Variants in PRKCQ observed in about 807,000 individuals in gnomAD.
The protein encoded by PRKCQ is protein kinase C theta type.
Under a neutral mutation model 91.2 loss-of-function variants are expected in PRKCQ, and 41 were observed. That is an observed-to-expected ratio of 0.45 (90% CI 0.35 to 0.58). The LOEUF is 0.58. Ranked by LOEUF, PRKCQ falls within the 20% of genes least tolerant of loss-of-function variation. The pLI, the probability that PRKCQ is intolerant of heterozygous loss-of-function variation, is 0.00. For synonymous variants in PRKCQ, 307 were observed against 316.9 expected (o/e 0.97, Z 0.33); for missense variants, 673 against 896.5 (o/e 0.75, Z 3.18).
At chr10:6,501,281 T>C (rs1340209139) in intron 4 of PRKCQ, among the ~76,000 whole-genome samples, 2 of 150,210 alleles carry the variant, frequency 1.3e-5, no homozygotes, top group Non-Finnish European at 3.0e-5. Flanking sequence ...GGTAAAAAGG[T>C]GAAAAAAAAG....
intron 15 of PRKCQ, among the ~76,000 whole-genome samples, chr10:6,443,814 T>C (rs916975727): frequency 1.3e-5 from 2 of 152,132 alleles, no homozygotes; most frequent in Non-Finnish European, 2.9e-5. Flanking sequence ...GAAAGACAAA[T>C]ACTGAATGAT....
chr10:6,571,420 TG>T (rs1239961825), intron 1 of PRKCQ, among the ~76,000 whole-genome samples: 1 of 152,240 alleles, frequency 6.6e-6, no homozygotes, highest in African/African-American at 2.4e-5. Context: ...TAACCTGTCT[TG>T]CTCTTTATGA....
At chr10:6,457,683 G>A (rs1835084901) in intron 14 of PRKCQ, among the ~76,000 whole-genome samples, 1 of 152,146 alleles carries the variant, frequency 6.6e-6, no homozygotes, top group South Asian at 2.1e-4. Context: ...ATCCTCCAGA[G>A]AGACAATCTG....
intron 1 of PRKCQ, among the ~76,000 whole-genome samples, chr10:6,547,539 G>C (rs1267106850): frequency 1.3e-5 from 2 of 151,718 alleles, no homozygotes; most frequent in South Asian, 2.1e-4. Context: ...CAGAGATATA[G>C]ATCAATGGAA....
the PRKCQ span, among the ~76,000 whole-genome samples, chr10:6,415,438 ATATATATATATATAT>A: frequency 3.3e-5 from 3 of 91,768 alleles, no homozygotes; most frequent in African/African-American, 1.1e-4. Context: ...ATATATATAT[ATATATATATATATAT>A]ATACACTTAC....
At chr10:6,397,429 T>G in the PRKCQ span, among the ~76,000 whole-genome samples, 1 of 152,154 alleles carries the variant, frequency 6.6e-6, no homozygotes, top group Non-Finnish European at 1.5e-5. Context: ...TTTGTCATCA[T>G]ATTGTAGAGT....
intron 3 of PRKCQ, among the ~76,000 whole-genome samples, chr10:6,509,912 A>G (rs1838386416): frequency 6.6e-6 from 1 of 152,254 alleles, no homozygotes; most frequent in South Asian, 2.1e-4. Flanking sequence ...CAAAAATACA[A>G]AACTGACACA....
Position 6,524,870 on chromosome 10 carries a change from G to A in PRKCQ, c.-9-9726C>T, listed in dbSNP as rs897045252. Among the ~76,000 whole-genome samples the A allele has an allele frequency of 1.7e-4, 26 of 152,310 alleles. No individual in the cohort carries two copies. In the South Asian group the frequency reaches 2.1e-3, roughly 12 times the overall value. ...TTCCAGTCTCTGTGAGGTGCCTCCT[G>A]GCTGCAGCGGGCAGGCTCTCACTGA... On this transcript the variant is annotated intron_variant, in intron 1 of 17. Coordinates refer to ENST00000263125, the MANE Select transcript of PRKCQ (RefSeq NM_006257.5).
chr10:6,499,251 T>C (rs1250524826), intron 4 of PRKCQ, among the ~76,000 whole-genome samples: 1 of 152,230 alleles, frequency 6.6e-6, no homozygotes, highest in African/African-American at 2.4e-5. Flanking sequence ...TACCTAGTCA[T>C]CAGCATCAAA....
At chr10:6,397,941 A>C in the PRKCQ span, among the ~76,000 whole-genome samples, 2 of 152,192 alleles carry the variant, frequency 1.3e-5, no homozygotes, top group Non-Finnish European at 2.9e-5. Context: ...AAAAGAAAGA[A>C]AGAAATCCTT....
intron 1 of PRKCQ, among the ~76,000 whole-genome samples, chr10:6,565,281 T>C (rs887176502): frequency 3.9e-5 from 6 of 152,340 alleles, no homozygotes; most frequent in Middle Eastern, 3.4e-3. Flanking sequence ...TGAGAAAATA[T>C]CTATAGTATT....
chr10:6,449,425 G>A lies in PRKCQ; in HGVS notation c.1647+7249C>T, dbSNP rs564772540. ...ACGAACAAAGCCTCCAAGAAATATGGGACTATGTGAAAAGACCAAATCTGT... is the reference window on the plus strand; with the variant it reads ...ACGAACAAAGCCTCCAAGAAATATGAGACTATGTGAAAAGACCAAATCTGT... On this transcript the variant is annotated intron_variant, in intron 15 of 17. Transcript: ENST00000263125. 2.6e-5 allele frequency among the ~76,000 whole-genome samples: 4 copies of A among 152,172 alleles called. No individual in the cohort carries two copies. In the South Asian group the frequency reaches 8.3e-4, roughly 32 times the overall value.
intron 1 of PRKCQ, among the ~76,000 whole-genome samples, chr10:6,556,926 G>A (rs948851975): frequency 6.6e-6 from 1 of 151,970 alleles, no homozygotes; most frequent in Non-Finnish European, 1.5e-5. Flanking sequence ...AACTTCCTTC[G>A]CTCTGGTTCA....
At position 6,515,112 on chromosome 10, in the gene PRKCQ, G is replaced by A; in HGVS notation, c.24C>T (p.Gly8=). MSPFLRI[G]LSNFDCGSCQ... ...AGGACCCGCAGTCAAAGTTGGACAAGCCAATCCGAAGAAATGGCGACATGG... is the reference window on the plus strand; with the variant it reads ...AGGACCCGCAGTCAAAGTTGGACAAACCAATCCGAAGAAATGGCGACATGG... Residue 8 remains glycine (G), a synonymous_variant, in exon 2 of 18, where the codon GGC becomes GGT. Coordinates refer to ENST00000263125, the MANE Select transcript of PRKCQ (RefSeq NM_006257.5). 1.2e-6 allele frequency: 2 copies of A among 1,613,888 alleles called. No homozygotes were observed. Among genetic ancestry groups the A allele is most frequent in the Non-Finnish European group, 1.7e-6 (2 of 1,179,944 alleles).
In PRKCQ at chr10:6,430,690, G is replaced by A; in HGVS notation, c.1965+120C>T. 7.2e-7 allele frequency: 1 copy of A among 1,380,304 alleles called. No homozygotes were observed. Among genetic ancestry groups the A allele is most frequent in the Non-Finnish European group, 9.9e-7 (1 of 1,006,028 alleles). 85.5% of individuals were successfully genotyped at this position (1,380,304 alleles called of 1,614,324 possible). On this transcript the variant is annotated intron_variant, in intron 17 of 17. Coordinates refer to ENST00000263125, the MANE Select transcript of PRKCQ (RefSeq NM_006257.5). This position sits in a 1 kb window ranked among gnomAD's most constrained non-coding sequence, Gnocchi z 4.7. Reference sequence around the variant, plus strand: ...GAGACGTGCATTCCTCCTGGAGAGTGGGGCTGGTGGGGAGTTGGGGCACCG... The same window carrying A: ...GAGACGTGCATTCCTCCTGGAGAGTAGGGCTGGTGGGGAGTTGGGGCACCG...
At chr10:6,530,012 G>A (rs1042777312) in intron 1 of PRKCQ, among the ~76,000 whole-genome samples, 3 of 152,194 alleles carry the variant, frequency 2.0e-5, no homozygotes, top group African/African-American at 7.2e-5. Context: ...CCAAGGGGAT[G>A]AAGTGACACA....
At chr10:6,565,309 CTTTAT>C (rs1840801736) in intron 1 of PRKCQ, among the ~76,000 whole-genome samples, 1 of 152,102 alleles carries the variant, frequency 6.6e-6, no homozygotes, top group South Asian at 2.1e-4. Context: ...AGAAAAGTGA[CTTTAT>C]TTTATTTCAA....
At position 6,430,798 on chromosome 10, in the gene PRKCQ, G is replaced by A. The variant is rs1239866697; in HGVS notation, c.1965+12C>T. The A allele has an allele frequency of 1.2e-6, 2 of 1,613,108 alleles. No homozygotes were observed. The highest frequency in any genetic ancestry group is 8.5e-7 in the Non-Finnish European group (1 of 1,179,338). ...GTGGCTGACACCAAGCGGCCCATGA[G>A]CGAGTCCTTACCACTTTCGGCCGGA... On this transcript the variant is annotated intron_variant, in intron 17 of 17. Coordinates refer to ENST00000263125, the MANE Select transcript of PRKCQ (RefSeq NM_006257.5). This position sits in a 1 kb window ranked among gnomAD's most constrained non-coding sequence, Gnocchi z 4.7.
At chr10:6,562,468 G>T (rs1840671959) in intron 1 of PRKCQ, among the ~76,000 whole-genome samples, 1 of 152,144 alleles carries the variant, frequency 6.6e-6, no homozygotes, top group African/African-American at 2.4e-5. Context: ...AGAGCTCCCG[G>T]CTTGATGATT....
Sources: allele counts gnomAD v4.1 joint callset (sites outside exome capture counted in the v4.1 genomes callset), GRCh38; gene constraint gnomAD v4.1.1; non-coding constraint Gnocchi (gnomAD v3.1); transcripts MANE v1.5; gene names NCBI Gene and HGNC (gene_info 2026-07-23, HGNC 2026-07-21).